The following NXPE2 variants were observed in gnomAD, a reference collection of about 807,000 sequenced individuals.
The protein encoded by NXPE2 is neurexophilin and PC-esterase domain family member 2.
Under a neutral mutation model 34.4 loss-of-function variants are expected in NXPE2, and 34 were observed. The ratio of observed to expected loss-of-function variants is 0.99; its 90% confidence interval spans 0.75 to 1.31. The LOEUF is 1.31. Ranked by LOEUF, NXPE2 falls within the 40% of genes most tolerant of loss-of-function variation. The probability of loss-of-function intolerance (pLI) is 0.00; values close to 1 mark genes in which losing one functional copy is unlikely to be tolerated. For synonymous variants in NXPE2, 235 were observed against 231.3 expected (o/e 1.02, Z -0.15); for missense variants, 649 against 672.5 (o/e 0.97, Z 0.39).
chr11:114,778,812 G>A, the NXPE2 span, among the ~76,000 whole-genome samples: 10 of 152,168 alleles, frequency 6.6e-5, no homozygotes, highest in African/African-American at 2.4e-4. Context: ...CAGGGTTTCT[G>A]TGTTCCCTCC....
At chr11:114,601,666 A>G in the NXPE2 span, among the ~76,000 whole-genome samples, 1 of 58,960 alleles carries the variant, frequency 1.7e-5, no homozygotes, top group African/African-American at 8.0e-5. Flanking sequence ...ATAAATAATT[A>G]TATATTATAA....
At chr11:114,802,811 A>G in the NXPE2 span, among the ~76,000 whole-genome samples, 1 of 152,194 alleles carries the variant, frequency 6.6e-6, no homozygotes, top group South Asian at 2.1e-4. Context: ...TCAAGTTTAA[A>G]TAAATACACT....
chr11:114,667,325 A>G, the NXPE2 span, among the ~76,000 whole-genome samples: 1 of 152,186 alleles, frequency 6.6e-6, no homozygotes, highest in Non-Finnish European at 1.5e-5. Context: ...ATTATATTTA[A>G]TAACTAAACA....
the NXPE2 span, among the ~76,000 whole-genome samples, chr11:114,792,090 G>A: frequency 3.3e-5 from 5 of 152,132 alleles, no homozygotes; most frequent in African/African-American, 4.8e-5. Flanking sequence ...ACTAAGATAC[G>A]TGCTGAGCAG....
the NXPE2 span, among the ~76,000 whole-genome samples, chr11:114,568,179 A>T: frequency 4.2e-4 from 64 of 152,302 alleles, 1 homozygote; most frequent in Non-Finnish European, 7.3e-4. Flanking sequence ...TATTACAAAC[A>T]TATATCTTCT....
chr11:114,540,563 G>A, the NXPE2 span, among the ~76,000 whole-genome samples: 1 of 152,046 alleles, frequency 6.6e-6, no homozygotes, highest in Admixed American at 6.6e-5. Flanking sequence ...AGTATGGATG[G>A]GAAATAATTT....
the NXPE2 span, among the ~76,000 whole-genome samples, chr11:114,466,016 A>C: frequency 6.6e-6 from 1 of 152,210 alleles, no homozygotes; most frequent in Non-Finnish European, 1.5e-5. Context: ...CTCCTACTCT[A>C]AAACAAGTAT....
chr11:114,530,191 T>A, the NXPE2 span: 1 of 1,606,660 alleles, frequency 6.2e-7, no homozygotes, highest in Non-Finnish European at 8.5e-7. Flanking sequence ...AAAAGGCTGT[T>A]TTCCTTGTCT....
the NXPE2 span, among the ~76,000 whole-genome samples, chr11:114,564,873 C>T: frequency 1.3e-5 from 2 of 152,112 alleles, no homozygotes; most frequent in African/African-American, 4.8e-5. Context: ...TCCAGAAGAC[C>T]TCTTGTTTTA....
At chr11:114,520,782 C>T in the NXPE2 span, among the ~76,000 whole-genome samples, 1 of 152,156 alleles carries the variant, frequency 6.6e-6, no homozygotes, top group Non-Finnish European at 1.5e-5. Context: ...TTTTAGCAGG[C>T]ACCTATATAT....
chr11:114,612,348 C>T, the NXPE2 span, among the ~76,000 whole-genome samples: 20 of 152,022 alleles, frequency 1.3e-4, no homozygotes, highest in East Asian at 3.9e-3. Flanking sequence ...AGTACTGCCT[C>T]GTGGGTAACC....
At chr11:114,487,884 T>C in the NXPE2 span, among the ~76,000 whole-genome samples, 1 of 152,326 alleles carries the variant, frequency 6.6e-6, no homozygotes, top group South Asian at 2.1e-4. Context: ...ATCATTTTAA[T>C]GTGTTGTTGA....
chr11:114,737,453 A>C, the NXPE2 span, among the ~76,000 whole-genome samples: 4 of 152,180 alleles, frequency 2.6e-5, no homozygotes, highest in Non-Finnish European at 5.9e-5. Flanking sequence ...TAAAGTATAA[A>C]AATGAATTTA....
chr11:114,720,574 T>C, the NXPE2 span, among the ~76,000 whole-genome samples: 1 of 152,192 alleles, frequency 6.6e-6, no homozygotes, highest in Non-Finnish European at 1.5e-5. Context: ...GAAATGTAGC[T>C]GGTGCAAATG....
At chr11:114,490,594 G>A in the NXPE2 span, among the ~76,000 whole-genome samples, 2,568 of 152,166 alleles carry the variant, frequency 0.017, 78 homozygotes, top group African/African-American at 0.057. Flanking sequence ...AAAAACAAGC[G>A]ATGGGGAAAG....
chr11:114,746,918 C>T, the NXPE2 span, among the ~76,000 whole-genome samples: 2 of 150,576 alleles, frequency 1.3e-5, no homozygotes, highest in South Asian at 4.2e-4. Context: ...AGAACACCTT[C>T]CTTTTACATG....
the NXPE2 span, among the ~76,000 whole-genome samples, chr11:114,616,647 C>T: frequency 6.6e-6 from 1 of 151,558 alleles, no homozygotes; most frequent in Non-Finnish European, 1.5e-5. Flanking sequence ...TAAATGTTGC[C>T]TATTGGGTAA....
At chr11:114,778,203 G>A in the NXPE2 span, among the ~76,000 whole-genome samples, 1 of 152,096 alleles carries the variant, frequency 6.6e-6, no homozygotes. Context: ...AGATCTAGTG[G>A]GTGAAGCAGG....
the NXPE2 span, among the ~76,000 whole-genome samples, chr11:114,592,919 A>G: frequency 6.6e-6 from 1 of 152,124 alleles, no homozygotes; most frequent in Non-Finnish European, 1.5e-5. Flanking sequence ...AAAACATACA[A>G]TGGGGGAACA....
Sources: allele counts gnomAD v4.1 joint callset (sites outside exome capture counted in the v4.1 genomes callset), GRCh38; gene constraint gnomAD v4.1.1; transcripts MANE v1.5; gene names NCBI Gene and HGNC (gene_info 2026-07-23, HGNC 2026-07-21).